The following ZNF616 variants were observed in gnomAD, a reference collection of about 807,000 sequenced individuals.
The protein encoded by ZNF616 is zinc finger protein 616.
ZNF616 carries 5 observed loss-of-function variants against 7.6 expected under a neutral mutation model. The observed-to-expected ratio is 0.66, with a 90% confidence interval of 0.34 to 1.38. ZNF616 has a LOEUF of 1.38. Ranked by LOEUF, ZNF616 falls within the 40% of genes most tolerant of loss-of-function variation. The pLI is 0.04. For synonymous variants in ZNF616, 319 were observed against 317.2 expected, an observed-to-expected ratio of 1.01 and a Z score of -0.06; for missense variants, 913 against 948.3, an observed-to-expected ratio of 0.96 and a Z score of 0.49.
In ZNF616 at chr19:52,116,230, G is replaced by A. The variant is rs1489006894; in HGVS notation, c.934C>T (p.Leu312Phe). Reference sequence around the variant, plus strand: ...GTATGAACTGTCTGATGAAGTCTAAGATGGACACGCTGACTAAAGGATTTC... The same window carrying A: ...GTATGAACTGTCTGATGAAGTCTAAAATGGACACGCTGACTAAAGGATTTC... The part of the protein sequence containing the change: ...CGKSFSQRVH[L>F]RLHQTVHTGE... Residue 312 changes from leucine (L) to phenylalanine (F), a missense_variant, in exon 4 of 4, where the codon CTT (leucine) becomes TTT (phenylalanine). Leu to Phe is a conservative substitution (Grantham distance 22). Coordinates refer to ENST00000600228, the MANE Select transcript of ZNF616 (RefSeq NM_178523.5). 1 of 1,614,052 alleles carries A rather than the reference G, an allele frequency of 6.2e-7. No homozygotes were observed. The highest frequency in any genetic ancestry group is 8.5e-7 in the Non-Finnish European group (1 of 1,180,044).
At chr19:52,124,302 T>C (rs2088888346) in intron 2 of ZNF616, among the ~76,000 whole-genome samples, 1 of 152,238 alleles carries the variant, frequency 6.6e-6, no homozygotes, top group Non-Finnish European at 1.5e-5. Context: ...AAACACATGG[T>C]TATCCCTTAA....
intron 3 of ZNF616, chr19:52,122,285 A>AGATCAGCCTGACCAATATG (rs2088870176): frequency 1.3e-5 from 2 of 152,174 alleles, no homozygotes; most frequent in African/African-American, 4.8e-5. Context: ...CGGGAGTTCA[A>AGATCAGCCTGACCAATATG]GATCAGCCTG....
intron 2 of ZNF616, among the ~76,000 whole-genome samples, chr19:52,128,009 G>C (rs1033341766): frequency 2.0e-5 from 3 of 152,154 alleles, no homozygotes; most frequent in African/African-American, 7.2e-5. Flanking sequence ...GGATGATGGA[G>C]AAAGTGACAG....
intron 3 of ZNF616, among the ~76,000 whole-genome samples, chr19:52,117,602 A>T (rs931014866): frequency 2.0e-5 from 3 of 152,188 alleles, no homozygotes; most frequent in East Asian, 1.9e-4. Context: ...TGCATATACA[A>T]GTTTGCATCA....
chr19:52,118,791 TA>T (rs1479560861), intron 3 of ZNF616, among the ~76,000 whole-genome samples: 1 of 152,218 alleles, frequency 6.6e-6, no homozygotes, highest in Non-Finnish European at 1.5e-5. Context: ...AACAATATTC[TA>T]GACTAGCTAA....
At position 52,124,669 on chromosome 19, in the gene ZNF616, T is replaced by C. The variant is rs73937274; in HGVS notation, c.13-620A>G. ...GAGAATTAGAGTTGAATCAAAACAATCAAACAGTTACATTATGGTTACAGA... is the reference window on the plus strand; with the variant it reads ...GAGAATTAGAGTTGAATCAAAACAACCAAACAGTTACATTATGGTTACAGA... On this transcript the variant is annotated intron_variant, in intron 2 of 3. Coordinates refer to ENST00000600228, the MANE Select transcript of ZNF616 (RefSeq NM_178523.5). Among the ~76,000 whole-genome samples the C allele has an allele frequency of 9.2e-3, 1,408 of 152,274 alleles. 27 individuals are homozygous for C. The highest frequency in any genetic ancestry group is 0.032 in the African/African-American group (1,336 of 41,546).
intron 3 of ZNF616, among the ~76,000 whole-genome samples, chr19:52,120,559 T>C (rs1243670010): frequency 1.3e-5 from 2 of 152,192 alleles, no homozygotes; most frequent in African/African-American, 4.8e-5. Context: ...AACTACATAC[T>C]ATCCACAAAA....
chr19:52,136,271 A>G (rs2089007320), intron 1 of ZNF616, among the ~76,000 whole-genome samples: 1 of 152,064 alleles, frequency 6.6e-6, no homozygotes. Flanking sequence ...ACCTGTGGTC[A>G]GGAGTTCAAG....
rs2088799205 is a variant in ZNF616, at chr19:52,114,711, C to T, written c.*107G>A. 7.4e-7 allele frequency: 1 copy of T among 1,350,336 alleles called. No individual in the cohort carries two copies. The highest frequency in any genetic ancestry group is 1.0e-6 in the Non-Finnish European group (1 of 999,214). The allele number at this position is 1,350,336 out of a possible 1,614,324, so 83.6% of individuals were successfully genotyped here. On this transcript the variant is annotated 3_prime_UTR_variant, in exon 4 of 4. Transcript: ENST00000600228. ...ATCACCTCCCAATGGGCCCCACCTC[C>T]AATACTGGAGATTACAATTCCACAG...
In ZNF616 at chr19:52,115,307, T is replaced by C. The variant is rs749706640; in HGVS notation, c.1857A>G (p.Thr619=). 3 of 1,613,710 alleles carry C rather than the reference T, an allele frequency of 1.9e-6. No homozygotes were observed. Among genetic ancestry groups the C allele is most frequent in the Admixed American group, 3.3e-5 (2 of 59,972 alleles). ...ECGKAFNQGS[T]LNRHQRIHTG... ...TATGAATTCTCTGATGTCTATTGAG[T>C]GTGGAGCCCTGATTAAAGGCTTTGC... The change falls in exon 4 of 4, where the codon ACA becomes ACG. Residue 619 remains threonine, a synonymous_variant. Transcript: ENST00000600228.
At position 52,131,264 on chromosome 19, in the gene ZNF616, CAAAAAAA is replaced by C. The variant is rs61359785; in HGVS notation, c.-76-683_-76-677del. Among the ~76,000 whole-genome samples, 7 of 39,768 alleles carry C rather than the reference CAAAAAAA, an allele frequency of 1.8e-4. No homozygotes were observed. The East Asian group carries it at 2.2e-3, about 12-fold the overall frequency. 26.1% of individuals were successfully genotyped at this position (39,768 alleles called of 152,430 possible). A position where few individuals can be genotyped will look rare whatever the true frequency, so the allele number is the denominator to read the frequency against. On this transcript the variant is annotated intron_variant, in intron 1 of 3. Transcript: ENST00000600228. ...GCCTGGGCGACAGAGACTCTGTCAC[CAAAAAAA>C]AAAAAAAAAAAAAAAAAAATCAACT...
chr19:52,132,602 G>A (rs1439536171), intron 1 of ZNF616, among the ~76,000 whole-genome samples: 1 of 150,094 alleles, frequency 6.7e-6, no homozygotes, highest in African/African-American at 2.4e-5. Flanking sequence ...GTTTAGAAGT[G>A]TGTAGCGCCT....
rs2088949708 is a variant in ZNF616 at position 52,130,591 on chromosome 19, G to A, written c.-76-3C>T. ...ATGTAATTATTCACACATCAAACCTGAAAGTTAAAAAATCTGTTGTTTAAT... is the reference window on the plus strand; with the variant it reads ...ATGTAATTATTCACACATCAAACCTAAAAGTTAAAAAATCTGTTGTTTAAT... On this transcript the variant is annotated splice_region_variant and splice_polypyrimidine_tract_variant and intron_variant, in intron 1 of 3. Coordinates refer to ENST00000600228, the MANE Select transcript of ZNF616 (RefSeq NM_178523.5). 1.3e-6 allele frequency: 2 copies of A among 1,553,596 alleles called. No homozygotes were observed. Among genetic ancestry groups the A allele is most frequent in the South Asian group, 2.5e-5 (2 of 80,578 alleles).
rs550150535 is a variant in ZNF616, at chr19:52,128,919, T to C, written c.12+1582A>G. On this transcript the variant is annotated intron_variant, in intron 2 of 3. Transcript: ENST00000600228. Reference sequence around the variant, plus strand: ...ATCTCACAGTTACTTTTTTTTTTTTTCCCTCTGTTTTGGCCAGAACAGCTA... The same window carrying C: ...ATCTCACAGTTACTTTTTTTTTTTTCCCCTCTGTTTTGGCCAGAACAGCTA... 4.3e-3 allele frequency among the ~76,000 whole-genome samples: 651 copies of C among 151,820 alleles called. 2 individuals are homozygous for C. The highest frequency in any genetic ancestry group is 0.013 in the African/African-American group (557 of 41,392).
intron 1 of ZNF616, among the ~76,000 whole-genome samples, chr19:52,135,358 C>T (rs1169771451): frequency 6.6e-6 from 1 of 152,176 alleles, no homozygotes; most frequent in South Asian, 2.1e-4. Context: ...CTGGCACCAC[C>T]ATCTACTAAA....
At chr19:52,121,910 T>A (rs994076566) in intron 3 of ZNF616, among the ~76,000 whole-genome samples, 4 of 152,132 alleles carry the variant, frequency 2.6e-5, no homozygotes, top group African/African-American at 9.6e-5. Context: ...TTAAAAAAAA[T>A]TTATTCCTCA....
chr19:52,125,633 C>T (rs1322565296), intron 2 of ZNF616, among the ~76,000 whole-genome samples: 3 of 152,172 alleles, frequency 2.0e-5, no homozygotes, highest in Non-Finnish European at 4.4e-5. Context: ...GCTGGGATCA[C>T]ATACTGGTGA....
rs1327573508 is a variant in ZNF616 at position 52,113,929 on chromosome 19, G to A, written c.*889C>T. On this transcript the variant is annotated 3_prime_UTR_variant, in exon 4 of 4. Transcript: ENST00000600228. ...TTTTTTAAAACCATTTATTTGGAAGGTTGTCTCTAGTATGAATACTCTTTC... is the reference window on the plus strand; with the variant it reads ...TTTTTTAAAACCATTTATTTGGAAGATTGTCTCTAGTATGAATACTCTTTC... 1 of 152,142 alleles carries A rather than the reference G, an allele frequency of 6.6e-6. No individual in the cohort carries two copies. The highest frequency in any genetic ancestry group is 2.4e-5 in the African/African-American group (1 of 41,422). The allele number at this position is 152,142 out of a possible 1,614,324, so 9.4% of individuals were successfully genotyped here. A position where few individuals can be genotyped will look rare whatever the true frequency, so the allele number is the denominator to read the frequency against.
rs2088797895 is a variant in ZNF616 at position 52,114,623 on chromosome 19, G to C, written c.*195C>G. ...ACCTCAAGAGAAGTCACTATTGCCA[G>C]GACAGCACCAAGGGGATGACGCTAC... On this transcript the variant is annotated 3_prime_UTR_variant, in exon 4 of 4. Transcript: ENST00000600228. The C allele has an allele frequency of 2.8e-5, 17 of 616,728 alleles. No homozygotes were observed. Among genetic ancestry groups the C allele is most frequent in the Non-Finnish European group, 4.3e-5 (16 of 373,890 alleles). The allele number at this position is 616,728 out of a possible 1,614,324, so 38.2% of individuals were successfully genotyped here.
Sources: gnomAD v4.1 joint callset for allele counts (sites outside exome capture counted in the v4.1 genomes callset) on GRCh38, gnomAD v4.1.1 for gene constraint, MANE v1.5 for transcripts, NCBI Gene and HGNC (gene_info 2026-07-23, HGNC 2026-07-21) for gene names.